The following CPAP variants were observed in gnomAD, a reference collection of about 807,000 sequenced individuals.
CPAP encodes the protein centrosome assembly and centriole elongation protein.
chr13:24,897,053 A>G, the CPAP span, among the ~76,000 whole-genome samples: 1 of 152,210 alleles, frequency 6.6e-6, no homozygotes, highest in Non-Finnish European at 1.5e-5. Context: ...GGTAGAGAAC[A>G]AAAAACACTC....
At chr13:24,923,931 C>G in the CPAP span, among the ~76,000 whole-genome samples, 1 of 152,260 alleles carries the variant, frequency 6.6e-6, no homozygotes, top group Non-Finnish European at 1.5e-5. Context: ...CGGGTTCACG[C>G]CATTCTCCTG....
At chr13:24,931,933 T>C in the CPAP span, among the ~76,000 whole-genome samples, 2 of 152,128 alleles carry the variant, frequency 1.3e-5, no homozygotes, top group Non-Finnish European at 2.9e-5. Context: ...AACATGAAAC[T>C]GAAACAAAGC....
At chr13:24,892,860 T>C in the CPAP span, 2 of 1,601,850 alleles carry the variant, frequency 1.2e-6, no homozygotes. Flanking sequence ...TATTTGCTGT[T>C]TTAAAGTCTC....
At chr13:24,883,246 C>T in the CPAP span, 182 of 1,614,080 alleles carry the variant, frequency 1.1e-4, no homozygotes, top group South Asian at 1.8e-3. Flanking sequence ...ATCTGTACTT[C>T]GTTTCTTGAT....
chr13:24,906,078 C>T, the CPAP span: 2,543 of 1,612,736 alleles, frequency 1.6e-3, 2 homozygotes, highest in Middle Eastern at 4.6e-3. Flanking sequence ...TGTTTGGGTG[C>T]GACTTCACAC....
chr13:24,886,396 G>C, the CPAP span: 1 of 1,285,216 alleles, frequency 7.8e-7, no homozygotes, highest in East Asian at 5.6e-5. Context: ...CTGTGAGACA[G>C]GAATGGTTCC....
At chr13:24,893,430 A>G in the CPAP span, among the ~76,000 whole-genome samples, 3 of 152,244 alleles carry the variant, frequency 2.0e-5, no homozygotes, top group African/African-American at 7.2e-5. Context: ...CGACTGACCT[A>G]GAGTCGAGGA....
chr13:24,896,928 T>TC, the CPAP span, among the ~76,000 whole-genome samples: 3 of 152,376 alleles, frequency 2.0e-5, no homozygotes, highest in South Asian at 6.2e-4. Context: ...AACTACTGGT[T>TC]CAAGTATATG....
chr13:24,909,819 A>C, the CPAP span: 2 of 1,613,296 alleles, frequency 1.2e-6, no homozygotes, highest in Non-Finnish European at 1.7e-6. Flanking sequence ...TTCTTCTTTT[A>C]AATTATTTTT....
At chr13:24,882,889 C>CA in the CPAP span, 9 of 385,502 alleles carry the variant, frequency 2.3e-5, no homozygotes, top group East Asian at 4.6e-4. Flanking sequence ...TTTTTATAGC[C>CA]ATTTCTAACC....
chr13:24,913,162 A>T, the CPAP span: 1 of 700,170 alleles, frequency 1.4e-6, no homozygotes, highest in Non-Finnish European at 2.4e-6. Context: ...ATGAGCCCAA[A>T]CCTCAACCCA....
At chr13:24,899,440 T>C in the CPAP span, 2 of 1,613,546 alleles carry the variant, frequency 1.2e-6, no homozygotes, top group Non-Finnish European at 1.7e-6. Context: ...CACGTTCCTT[T>C]TTATCTGGAA....
the CPAP span, chr13:24,883,466 C>G: frequency 1.5e-5 from 14 of 931,906 alleles, no homozygotes; most frequent in Non-Finnish European, 2.3e-5. Flanking sequence ...AGTCTGGCAG[C>G]TACTTCTGGA....
the CPAP span, among the ~76,000 whole-genome samples, chr13:24,907,498 T>A: frequency 6.6e-6 from 1 of 152,140 alleles, no homozygotes; most frequent in African/African-American, 2.4e-5. Context: ...CAAAAATAGA[T>A]CACTAAATAT....
chr13:24,921,285 G>A, the CPAP span, among the ~76,000 whole-genome samples: 1 of 152,160 alleles, frequency 6.6e-6, no homozygotes, highest in Non-Finnish European at 1.5e-5. Context: ...CAGAACCTTA[G>A]GAGAACCAAT....
chr13:24,889,022 C>T, the CPAP span: 1 of 397,010 alleles, frequency 2.5e-6, no homozygotes, highest in Non-Finnish European at 4.6e-6. Flanking sequence ...ATGAATGTTT[C>T]CTTTGAGCAT....
chr13:24,902,478 A>C, the CPAP span, among the ~76,000 whole-genome samples: 35 of 152,316 alleles, frequency 2.3e-4, no homozygotes, highest in Admixed American at 2.1e-3. Context: ...AAAAGTAACA[A>C]ATTTTCAGAA....
chr13:24,905,785 C>T, the CPAP span: 25 of 1,614,004 alleles, frequency 1.5e-5, no homozygotes, highest in Non-Finnish European at 1.9e-5. Context: ...CAACATCTCT[C>T]CTTTTATCTT....
the CPAP span, among the ~76,000 whole-genome samples, chr13:24,897,674 A>G: frequency 4.6e-5 from 7 of 152,252 alleles, no homozygotes; most frequent in African/African-American, 1.7e-4. Context: ...GTAAACTATC[A>G]TTAATGTTTA....
Sources: gnomAD v4.1 joint callset for allele counts (sites outside exome capture counted in the v4.1 genomes callset) on GRCh38, gnomAD v4.1.1 for gene constraint, MANE v1.5 for transcripts, NCBI Gene and HGNC (gene_info 2026-07-23, HGNC 2026-07-21) for gene names.